PLSCR2: variants seen among roughly 807,000 people sequenced by gnomAD.
PLSCR2 encodes phospholipid scramblase 2, also known as PL scramblase 2.
In PLSCR2, 18 loss-of-function variants were observed where a neutral mutation model predicts 25.3. The ratio of observed to expected loss-of-function variants is 0.71; its 90% CI spans 0.49 to 1.06. The LOEUF is 1.06. Among genes scored for constraint, PLSCR2 ranks in the 50% least tolerant of loss-of-function variants. The pLI is 0.00. For missense variants in PLSCR2, 243 were observed against 269.5 expected (o/e 0.90, Z 0.69); for synonymous variants, 88 against 87.3 (o/e 1.01, Z -0.04).
intron 1 of PLSCR2, among the ~76,000 whole-genome samples, chr3:146,483,453 G>GTATATATATA (rs1186980145): frequency 3.4e-4 from 11 of 32,680 alleles, no homozygotes; most frequent in African/African-American, 1.4e-3. Context: ...ACACATGTAT[G>GTATATATATA]TATATATATA....
At chr3:146,418,752 C>G (rs1333387315) in intron 2 of PLSCR2, among the ~76,000 whole-genome samples, 1 of 152,106 alleles carries the variant, frequency 6.6e-6, no homozygotes, top group Non-Finnish European at 1.5e-5. Context: ...TGTTATTAGG[C>G]AGTTTTCATT....
At chr3:146,490,041 T>G (rs905103060) in intron 1 of PLSCR2, among the ~76,000 whole-genome samples, 1 of 152,044 alleles carries the variant, frequency 6.6e-6, no homozygotes, top group South Asian at 2.1e-4. Context: ...ATCATAAAAG[T>G]CCCAGATCTT....
downstream of PLSCR2, among the ~76,000 whole-genome samples, chr3:146,437,580 C>G (rs2039956291): frequency 6.6e-6 from 1 of 152,162 alleles, no homozygotes; most frequent in African/African-American, 2.4e-5. Flanking sequence ...ATAGTATTCT[C>G]TGATGGTAGT....
intron 2 of PLSCR2, among the ~76,000 whole-genome samples, chr3:146,408,111 T>A (rs895810182): frequency 1.3e-5 from 2 of 151,918 alleles, no homozygotes; most frequent in South Asian, 4.1e-4. Flanking sequence ...GCCGTAAGGG[T>A]TAAATTTTGG....
chr3:146,451,066 G>T (rs549949190), intron 5 of PLSCR2, among the ~76,000 whole-genome samples: 2 of 136,458 alleles, frequency 1.5e-5, no homozygotes, highest in Non-Finnish European at 3.0e-5. Context: ...GAAATAATAC[G>T]TTGGTATTTA....
intron 8 of PLSCR2, among the ~76,000 whole-genome samples, chr3:146,435,622 T>G (rs1181221153): frequency 6.6e-6 from 1 of 152,210 alleles, no homozygotes; most frequent in Non-Finnish European, 1.5e-5. Flanking sequence ...TGGGATTGTT[T>G]GATTTTTTCT....
At chr3:146,463,780 C>T, upstream of PLSCR2, 10 of 676,050 alleles carry the variant, frequency 1.5e-5, no homozygotes, top group Non-Finnish European at 1.8e-5. Context: ...GTCAACTGAT[C>T]CCTCCACATC....
chr3:146,449,279 T>A (rs1312161745), exon 6 of PLSCR2: 10 of 1,612,502 alleles, frequency 6.2e-6, no homozygotes, highest in Non-Finnish European at 8.5e-6. Context: ...GATTCCAAAG[T>A]TGTCAGCATC....
At chr3:146,463,950 G>C (rs952817747), upstream of PLSCR2, 15 of 982,798 alleles carry the variant, frequency 1.5e-5, no homozygotes, top group Admixed American at 1.2e-4. Context: ...ATCTACTCAA[G>C]AAGTTCAGCA....
chr3:146,468,702 A>G (rs768700222), intron 1 of PLSCR2, among the ~76,000 whole-genome samples: 29 of 152,384 alleles, frequency 1.9e-4, no homozygotes, highest in Non-Finnish European at 3.8e-4. Context: ...GAGAAAACTA[A>G]GCCCATAAAG....
intron 2 of PLSCR2, among the ~76,000 whole-genome samples, chr3:146,422,145 G>C (rs896912761): frequency 6.6e-6 from 1 of 152,058 alleles, no homozygotes; most frequent in Admixed American, 6.6e-5. Flanking sequence ...ACCTCCATGA[G>C]GAGTTTCTCT....
intron 1 of PLSCR2, among the ~76,000 whole-genome samples, chr3:146,474,254 C>T (rs1442174113): frequency 6.6e-6 from 1 of 152,074 alleles, no homozygotes; most frequent in Non-Finnish European, 1.5e-5. Context: ...AACATGCTAT[C>T]TTTTTTTATT....
intron 2 of PLSCR2, among the ~76,000 whole-genome samples, chr3:146,422,075 A>T (rs2039172365): frequency 3.3e-5 from 5 of 152,062 alleles, no homozygotes; most frequent in Admixed American, 3.3e-4. Flanking sequence ...CAGATATAAG[A>T]TATTGTCTTT....
chr3:146,408,616 T>G (rs1485191549), intron 2 of PLSCR2, among the ~76,000 whole-genome samples: 1 of 152,138 alleles, frequency 6.6e-6, no homozygotes, highest in African/African-American at 2.4e-5. Context: ...TTTTGGAGTT[T>G]TCTTTTAATA....
At chr3:146,481,078 T>A (rs2043113644) in intron 1 of PLSCR2, among the ~76,000 whole-genome samples, 1 of 152,196 alleles carries the variant, frequency 6.6e-6, no homozygotes, top group South Asian at 2.1e-4. Flanking sequence ...TGATGGTACG[T>A]ATCTCAAAAT....
chr3:146,488,965 C>A (rs1157096844), intron 1 of PLSCR2, among the ~76,000 whole-genome samples: 3 of 152,088 alleles, frequency 2.0e-5, no homozygotes, highest in Non-Finnish European at 4.4e-5. Flanking sequence ...GGTATATATA[C>A]ACCATGGAAT....
intron 2 of PLSCR2, among the ~76,000 whole-genome samples, chr3:146,406,109 G>C (rs1276538345): frequency 1.3e-5 from 2 of 152,164 alleles, no homozygotes; most frequent in African/African-American, 2.4e-5. Flanking sequence ...GTTATAGTAA[G>C]AGAATTACAA....
intron 3 of PLSCR2, 103 bp from the exon 4 acceptor site, chr3:146,455,562 A>C: frequency 1.5e-6 from 1 of 689,128 alleles, no homozygotes; most frequent in Non-Finnish European, 2.5e-6. Flanking sequence ...AGTATCATAG[A>C]AAGAACAAAA....
chr3:146,451,437 T>C (rs1320481348), intron 5 of PLSCR2, among the ~76,000 whole-genome samples: 1 of 151,680 alleles, frequency 6.6e-6, no homozygotes, highest in Non-Finnish European at 1.5e-5. Context: ...CCCTGCTTCC[T>C]GACACAGAAT....
Sources: allele counts gnomAD v4.1 joint callset (sites outside exome capture counted in the v4.1 genomes callset), GRCh38; gene constraint gnomAD v4.1.1; transcripts MANE v1.5; gene names NCBI Gene and HGNC (gene_info 2026-07-23, HGNC 2026-07-21).